The following DOCK3 variants were observed in gnomAD, a reference collection of about 807,000 sequenced individuals.
DOCK3 encodes dedicator of cytokinesis 3.
In DOCK3, 60 loss-of-function variants were observed where a neutral mutation model predicts 265.6. The ratio of observed to expected loss-of-function variants is 0.23; its 90% CI spans 0.18 to 0.28. The LOEUF is 0.28. DOCK3 is among the 10% of genes least tolerant of loss of function. DOCK3 has a pLI of 1.00. For synonymous variants in DOCK3, 881 were observed against 938.0 expected (o/e 0.94, Z 1.11); for missense variants, 1,981 against 2,594.3 (o/e 0.76, Z 5.14).
chr3:51,229,462 A>AG (rs1157958042), intron 18 of DOCK3, 50 bp from the exon 19 acceptor site: 1 of 1,385,090 alleles, frequency 7.2e-7, no homozygotes. Flanking sequence ...AAAAAAAAAA[A>AG]AGAATATCCA....
chr3:51,179,934 G>A (rs989155611), intron 12 of DOCK3, among the ~76,000 whole-genome samples: 1 of 151,698 alleles, frequency 6.6e-6, no homozygotes, highest in Non-Finnish European at 1.5e-5. Flanking sequence ...GCCGGCGGAC[G>A]CGGTGTCTCA....
chr3:50,827,475 G>A (rs922696630), intron 2 of DOCK3, among the ~76,000 whole-genome samples: 1 of 152,138 alleles, frequency 6.6e-6, no homozygotes, highest in African/African-American at 2.4e-5. Context: ...CTGTTTATAA[G>A]GGCCCTGTCC....
chr3:51,009,681 T>G (rs1218889802), intron 5 of DOCK3, among the ~76,000 whole-genome samples: 1 of 152,114 alleles, frequency 6.6e-6, no homozygotes, highest in Non-Finnish European at 1.5e-5. Flanking sequence ...GTTTGCTCTT[T>G]TTTCTCTAGT....
At chr3:51,362,728 G>A (rs1248773023) in intron 49 of DOCK3, 54 bp downstream of exon 49, 11 of 1,585,056 alleles carry the variant, frequency 6.9e-6, no homozygotes, top group African/African-American at 1.3e-5. Context: ...CTTCATCAAC[G>A]CCACTCGGCT....
chr3:51,307,702 C>T (rs2082764612), intron 27 of DOCK3, among the ~76,000 whole-genome samples: 1 of 151,982 alleles, frequency 6.6e-6, no homozygotes, highest in South Asian at 2.1e-4. Context: ...GGAATGTGCA[C>T]AGCCCTGCAC....
intron 1 of DOCK3, among the ~76,000 whole-genome samples, chr3:50,707,935 A>T (rs77584597): frequency 0.034 from 5,230 of 152,056 alleles, 296 homozygotes; most frequent in African/African-American, 0.12. Context: ...TGGCATGTTG[A>T]TCCCTAGGCC....
chr3:50,717,911 C>T (rs1050562890), intron 1 of DOCK3, among the ~76,000 whole-genome samples: 11 of 152,210 alleles, frequency 7.2e-5, no homozygotes, highest in African/African-American at 2.4e-4. Flanking sequence ...ATGCATGAGC[C>T]ACTGCACCTG....
At chr3:50,869,902 G>T (rs1345969148) in intron 3 of DOCK3, among the ~76,000 whole-genome samples, 1 of 152,056 alleles carries the variant, frequency 6.6e-6, no homozygotes, top group South Asian at 2.1e-4. Flanking sequence ...AGAGCATGTT[G>T]TTTTATCTGC....
intron 2 of DOCK3, among the ~76,000 whole-genome samples, chr3:50,839,710 TCCCCTCCTCTCCC>T (rs2045713322): frequency 9.7e-5 from 2 of 20,694 alleles, no homozygotes; most frequent in African/African-American, 2.3e-4. Flanking sequence ...TCCCCTCCCC[TCCCCTCCTCTCCC>T]CTCCCCTCCC....
intron 1 of DOCK3, among the ~76,000 whole-genome samples, chr3:50,693,756 C>A (rs1390815266): frequency 6.6e-6 from 1 of 151,290 alleles, no homozygotes; most frequent in Non-Finnish European, 1.5e-5. Flanking sequence ...AGGCTATTTT[C>A]AAACTCCTGA....
At chr3:51,087,332 T>C (rs2082463443) in intron 7 of DOCK3, among the ~76,000 whole-genome samples, 1 of 152,216 alleles carries the variant, frequency 6.6e-6, no homozygotes, top group South Asian at 2.1e-4. Context: ...TGGTTCAACA[T>C]GTGCAAATCA....
chr3:50,724,487 T>C (rs939359184), intron 1 of DOCK3, among the ~76,000 whole-genome samples: 1 of 152,180 alleles, frequency 6.6e-6, no homozygotes, highest in Non-Finnish European at 1.5e-5. Flanking sequence ...GTAGCACATA[T>C]ACACCATGCA....
At chr3:50,987,811 T>G (rs1342611862) in intron 5 of DOCK3, among the ~76,000 whole-genome samples, 1 of 152,194 alleles carries the variant, frequency 6.6e-6, no homozygotes, top group African/African-American at 2.4e-5. Flanking sequence ...GCTGCTTCCA[T>G]GGATCTTTGC....
intron 6 of DOCK3, among the ~76,000 whole-genome samples, chr3:51,069,184 A>G (rs933263721): frequency 6.6e-6 from 1 of 152,166 alleles, no homozygotes; most frequent in African/African-American, 2.4e-5. Flanking sequence ...TGTGCTCTTT[A>G]TATTTTTAGG....
chr3:51,070,168 G>A (rs1324433818), intron 6 of DOCK3, among the ~76,000 whole-genome samples: 1 of 152,184 alleles, frequency 6.6e-6, no homozygotes, highest in East Asian at 1.9e-4. Flanking sequence ...CTATGTGAAC[G>A]TATTTGAGTA....
intron 5 of DOCK3, among the ~76,000 whole-genome samples, chr3:51,038,214 G>A (rs1175418174): frequency 1.3e-5 from 2 of 152,162 alleles, no homozygotes; most frequent in African/African-American, 2.4e-5. Flanking sequence ...CATCTCTGCT[G>A]GTAAGTTAGG....
intron 27 of DOCK3, among the ~76,000 whole-genome samples, chr3:51,292,743 T>A (rs1418008715): frequency 6.6e-6 from 1 of 152,172 alleles, no homozygotes; most frequent in Non-Finnish European, 1.5e-5. Flanking sequence ...AGTAGCACAA[T>A]CTTGGCTCAG....
chr3:51,031,167 A>T (rs548159206), intron 5 of DOCK3, among the ~76,000 whole-genome samples: 1 of 152,258 alleles, frequency 6.6e-6, no homozygotes, highest in South Asian at 2.1e-4. Context: ...TTTTATTGTC[A>T]TCCTTTTTTG....
In DOCK3 at chr3:51,016,563, T is replaced by TA. The variant is rs1559944231; in HGVS notation, c.316-47885_316-47884insA. Among the ~76,000 whole-genome samples the TA allele has an allele frequency of 8.9e-4, 73 of 82,028 alleles. 2 individuals carry two copies. The highest frequency in any genetic ancestry group is 4.0e-3 in the African/African-American group (72 of 18,198). 53.8% of individuals were successfully genotyped at this position (82,028 alleles called of 152,430 possible). Reference sequence around the variant, plus strand: ...TATATATATTTATATATATCATATATTATATATATATTTATATATATCATA... The same window carrying TA: ...TATATATATTTATATATATCATATATATATATATATATTTATATATATCATA... On this transcript the variant is annotated intron_variant, in intron 5 of 52. Transcript: ENST00000266037.
Sources: allele counts gnomAD v4.1 joint callset (sites outside exome capture counted in the v4.1 genomes callset), GRCh38; gene constraint gnomAD v4.1.1; transcripts MANE v1.5; gene names NCBI Gene and HGNC (gene_info 2026-07-23, HGNC 2026-07-21).